Variants in WDR20 observed in about 807,000 individuals in gnomAD.
WDR20 encodes WD repeat-containing protein 20.
WDR20 carries 3 observed loss-of-function variants against 38.7 expected under a neutral mutation model. That is an observed-to-expected ratio of 0.08 (90% CI 0.04 to 0.20). The LOEUF is 0.20. Ranked by LOEUF, WDR20 falls within the 10% of genes least tolerant of loss-of-function variation. The probability of loss-of-function intolerance (pLI) is 1.00; values close to 1 mark genes in which losing one functional copy is unlikely to be tolerated. For missense variants in WDR20, 559 were observed against 727.7 expected, an observed-to-expected ratio of 0.77 and a Z score of 2.67; for synonymous variants, 298 against 285.6, an observed-to-expected ratio of 1.04 and a Z score of -0.44.
intron 1 of WDR20, 110 bp downstream of exon 1, chr14:102,140,282 T>C: frequency 6.7e-7 from 1 of 1,501,146 alleles, no homozygotes; most frequent in Non-Finnish European, 8.9e-7. Context: ...CGCTCTTACT[T>C]TTGAGTGGGC....
chr14:102,153,664 G>A (rs752413926), intron 1 of WDR20, among the ~76,000 whole-genome samples: 4 of 152,156 alleles, frequency 2.6e-5, no homozygotes, highest in African/African-American at 4.8e-5. Flanking sequence ...TGGAAGAACA[G>A]CCTAATACAC....
chr14:102,180,360 G>A (rs1021744319), intron 1 of WDR20, among the ~76,000 whole-genome samples: 2 of 152,180 alleles, frequency 1.3e-5, no homozygotes, highest in African/African-American at 4.8e-5. Flanking sequence ...GAACCTGAAG[G>A]CATCTTGGCT....
downstream of WDR20, among the ~76,000 whole-genome samples, chr14:102,216,851 T>G (rs1219901485): frequency 6.6e-6 from 1 of 152,136 alleles, no homozygotes; most frequent in African/African-American, 2.4e-5. Context: ...GAAAATCACT[T>G]GAACCCAGGA....
downstream of WDR20, chr14:102,224,781 A>G (rs1218655160): frequency 2.2e-6 from 1 of 455,982 alleles, no homozygotes; most frequent in Non-Finnish European, 4.4e-6. Flanking sequence ...GCCATGAACT[A>G]TGGAGTGAGT....
In WDR20 at chr14:102,208,694, A is replaced by G; in HGVS notation, c.524A>G (p.Tyr175Cys). ...FLVAHSSGNM[Y>C]LYNVEHTCGT... ...GTAGCCCACTCGAGTGGGAACATGT[A>G]CTTATATAATGTGGAGCACACTTGT... Residue 175 changes from tyrosine (Y) to cysteine (C), a missense_variant, in exon 3 of 3, where the codon TAC (tyrosine) becomes TGC (cysteine). Physicochemically the swap from Tyr to Cys is radical, Grantham distance 194. Coordinates refer to ENST00000342702, the MANE Select transcript of WDR20 (RefSeq NM_144574.4). The surrounding 1 kb of genome is among the most constrained non-coding windows in gnomAD (Gnocchi z 5.6). 6.2e-7 allele frequency: 1 copy of G among 1,614,186 alleles called. No individual in the cohort carries two copies. Among genetic ancestry groups the G allele is most frequent in the East Asian group, 2.2e-5 (1 of 44,880 alleles).
chr14:102,166,798 C>T (rs913113222), intron 1 of WDR20, among the ~76,000 whole-genome samples: 1 of 152,110 alleles, frequency 6.6e-6, no homozygotes, highest in East Asian at 1.9e-4. Flanking sequence ...TACCTCACTC[C>T]CTCCACCTAC....
intron 1 of WDR20, among the ~76,000 whole-genome samples, chr14:102,160,484 AT>A (rs1052426228): frequency 6.6e-6 from 1 of 152,046 alleles, no homozygotes; most frequent in Non-Finnish European, 1.5e-5. Flanking sequence ...TGTGTATGGT[AT>A]TTTACATCTT....
downstream of WDR20, chr14:102,224,649 C>A: frequency 4.4e-6 from 2 of 456,006 alleles, no homozygotes; most frequent in Non-Finnish European, 8.8e-6. Flanking sequence ...ATGAATGCAG[C>A]CACGGAAAAC....
downstream of WDR20, among the ~76,000 whole-genome samples, chr14:102,224,103 G>A (rs919095994): frequency 4.1e-5 from 6 of 148,038 alleles, no homozygotes; most frequent in East Asian, 2.0e-4. Context: ...GTGCAGTGGC[G>A]CAATCTCGGC....
Position 102,200,174 on chromosome 14 carries a change from A to G in WDR20, c.432+5054A>G, listed in dbSNP as rs895932013. 2.6e-5 allele frequency among the ~76,000 whole-genome samples: 4 copies of G among 152,230 alleles called. No individual in the cohort carries two copies. The East Asian group carries it at 7.7e-4, about 29-fold the overall frequency. On this transcript the variant is annotated intron_variant, in intron 2 of 2. Coordinates refer to ENST00000342702, the MANE Select transcript of WDR20 (RefSeq NM_144574.4). ...GAAAGTCGAATGCCCAGTCCTTTCT[A>G]GCCCCTCTCAGGAAATCATCCCCAG...
At chr14:102,177,627 T>A (rs2062439271) in intron 1 of WDR20, among the ~76,000 whole-genome samples, 1 of 152,234 alleles carries the variant, frequency 6.6e-6, no homozygotes, top group African/African-American at 2.4e-5. Flanking sequence ...CTCTCTGTGC[T>A]GGCTTTAAGG....
At chr14:102,174,613 G>A (rs2152843156) in intron 1 of WDR20, among the ~76,000 whole-genome samples, 2 of 152,176 alleles carry the variant, frequency 1.3e-5, no homozygotes, top group African/African-American at 4.8e-5. Context: ...TAGAGACGGG[G>A]TTTCACCATA....
chr14:102,222,939 G>A lies in WDR20; in HGVS notation c.*56G>A, dbSNP rs546744128. The A allele has an allele frequency of 1.1e-3, 1,735 of 1,605,306 alleles. 11 individuals are homozygous for A. The highest frequency in any genetic ancestry group is 7.5e-3 in the Middle Eastern group (43 of 5,712). On this transcript the variant is annotated 3_prime_UTR_variant, in exon 4 of 4. Coordinates refer to the WDR20 transcript ENST00000335263. The surrounding 1 kb of genome is among the most constrained non-coding windows in gnomAD (Gnocchi z 4.4). ...GGACTTGGACTCGAGGGAGTGACGA[G>A]GAGGAGCTCCGAGCTGCGCCTGAGC... is the stretch of plus-strand genomic sequence containing the variant.
chr14:102,195,518 G>A (rs1206168564), intron 2 of WDR20, among the ~76,000 whole-genome samples: 2 of 152,196 alleles, frequency 1.3e-5, no homozygotes, highest in African/African-American at 4.8e-5. Context: ...TTAAATTGTA[G>A]CCAAAGCTTT....
chr14:102,204,261 C>T (rs1333514987), intron 2 of WDR20, among the ~76,000 whole-genome samples: 2 of 152,096 alleles, frequency 1.3e-5, no homozygotes, highest in Non-Finnish European at 2.9e-5. Flanking sequence ...GGTACACTTC[C>T]CCAAACATCC....
chr14:102,140,616 A>G (rs959832240), intron 1 of WDR20, among the ~76,000 whole-genome samples: 9 of 152,128 alleles, frequency 5.9e-5, no homozygotes, highest in Admixed American at 5.2e-4. Context: ...AGATCTCTGT[A>G]AGGCGGAACC....
At chr14:102,193,291 C>T (rs905802690) in intron 1 of WDR20, among the ~76,000 whole-genome samples, 3 of 152,202 alleles carry the variant, frequency 2.0e-5, no homozygotes, top group Non-Finnish European at 2.9e-5. Flanking sequence ...GCTGCTCACT[C>T]GCAGCACTCG....
At chr14:102,185,890 A>G (rs1354924371) in intron 1 of WDR20, among the ~76,000 whole-genome samples, 1 of 151,086 alleles carries the variant, frequency 6.6e-6, no homozygotes, top group Non-Finnish European at 1.5e-5. Flanking sequence ...CTATCACTTC[A>G]CTGTTCTTTT....
At chr14:102,140,680 C>G (rs981281880) in intron 1 of WDR20, among the ~76,000 whole-genome samples, 1 of 152,112 alleles carries the variant, frequency 6.6e-6, no homozygotes, top group Non-Finnish European at 1.5e-5. Context: ...GCTCGGCACG[C>G]AGGGCTACTC....
Sources: allele counts gnomAD v4.1 joint callset (sites outside exome capture counted in the v4.1 genomes callset), GRCh38; gene constraint gnomAD v4.1.1; non-coding constraint Gnocchi (gnomAD v3.1); transcripts MANE v1.5; gene names NCBI Gene and HGNC (gene_info 2026-07-23, HGNC 2026-07-21).